Variants in ELMO1 observed in about 807,000 individuals in gnomAD.
The protein encoded by ELMO1 is engulfment and cell motility protein 1.
ELMO1 carries 26 observed loss-of-function variants against 98.9 expected under a neutral mutation model. The ratio of observed to expected loss-of-function variants is 0.26; its 90% CI spans 0.19 to 0.36. ELMO1 has a LOEUF of 0.36. ELMO1 is among the 10% of genes least tolerant of loss of function. The probability of loss-of-function intolerance (pLI) is 1.00; values close to 1 mark genes in which losing one functional copy is unlikely to be tolerated. For synonymous variants in ELMO1, 346 were observed against 346.0 expected (o/e 1.00, Z 0.00); for missense variants, 627 against 935.2 (o/e 0.67, Z 4.30).
In ELMO1 at chr7:37,303,605, G is replaced by C. The variant is rs113034492; in HGVS notation, c.192+11245C>G. ...CTAATAATGGTTTTTGCTTTTCACT[G>C]TAGTTAGTTTTGTTTGGAAAAAGTG... On this transcript the variant is annotated intron_variant, in intron 4 of 21. Coordinates refer to ENST00000310758, the MANE Select transcript of ELMO1 (RefSeq NM_014800.11). Among the ~76,000 whole-genome samples the C allele has an allele frequency of 2.7e-4, 41 of 152,244 alleles. 1 individual carries two copies. Among genetic ancestry groups the C allele is most frequent in the Middle Eastern group, 6.8e-3 (2 of 294 alleles).
intron 13 of ELMO1, among the ~76,000 whole-genome samples, chr7:37,192,364 G>A (rs561515179): frequency 2.6e-5 from 4 of 151,368 alleles, no homozygotes; most frequent in East Asian, 2.0e-4. Context: ...ATGTGGTGGT[G>A]CATGCCTGTA....
At chr7:37,097,274 ACGT>A (rs1479093886) in intron 14 of ELMO1, among the ~76,000 whole-genome samples, 5 of 152,232 alleles carry the variant, frequency 3.3e-5, no homozygotes, top group Non-Finnish European at 7.3e-5. Flanking sequence ...ATGGTGATTC[ACGT>A]CTGTAATCCC....
Position 37,011,372 on chromosome 7 carries a change from G to A in ELMO1, c.1437+1927C>T, listed in dbSNP as rs546694046. Among the ~76,000 whole-genome samples, 18 of 152,186 alleles carry A rather than the reference G, an allele frequency of 1.2e-4. 1 individual carries two copies. The South Asian group carries it at 2.7e-3, about 23-fold the overall frequency. ...CCACCTCCTCCATCCTGGGGCCTCC[G>A]GCTTCCTTTGCTAACAAGGAACTCT... is the stretch of plus-strand genomic sequence containing the variant. On this transcript the variant is annotated intron_variant, in intron 16 of 21. Transcript: ENST00000310758.
intron 16 of ELMO1, among the ~76,000 whole-genome samples, chr7:36,969,829 C>A (rs1481223760): frequency 6.6e-6 from 1 of 152,112 alleles, no homozygotes; most frequent in Non-Finnish European, 1.5e-5. Flanking sequence ...AATCATATTT[C>A]TTTAATAATT....
chr7:36,927,094 C>T (rs1785637572), intron 16 of ELMO1, among the ~76,000 whole-genome samples: 2 of 152,050 alleles, frequency 1.3e-5, no homozygotes, highest in African/African-American at 4.8e-5. Flanking sequence ...TTTTAAAATG[C>T]TTTATATGGT....
At chr7:37,164,650 A>G (rs951778904) in intron 13 of ELMO1, among the ~76,000 whole-genome samples, 1 of 151,576 alleles carries the variant, frequency 6.6e-6, no homozygotes, top group Non-Finnish European at 1.5e-5. Context: ...ATAGTTGTAG[A>G]TATGTGGCAT....
intron 16 of ELMO1, among the ~76,000 whole-genome samples, chr7:36,931,885 T>C (rs986396765): frequency 6.6e-6 from 1 of 152,260 alleles, no homozygotes; most frequent in South Asian, 2.1e-4. Flanking sequence ...TAAACACTAA[T>C]TGAGCAAATT....
intron 16 of ELMO1, among the ~76,000 whole-genome samples, chr7:36,959,295 T>C (rs1788738974): frequency 6.6e-6 from 1 of 152,112 alleles, no homozygotes; most frequent in Non-Finnish European, 1.5e-5. Flanking sequence ...ACAGTCTCAG[T>C]GGTCTTTTAA....
chr7:37,400,915 C>T (rs1279985175), intron 1 of ELMO1, among the ~76,000 whole-genome samples: 4 of 152,146 alleles, frequency 2.6e-5, no homozygotes, highest in African/African-American at 9.7e-5. Context: ...GGCAAAAAAT[C>T]CTAGGGATTT....
chr7:37,411,830 G>A (rs766643656), intron 1 of ELMO1, among the ~76,000 whole-genome samples: 39 of 152,138 alleles, frequency 2.6e-4, no homozygotes, highest in African/African-American at 8.7e-4. Flanking sequence ...CAGCAGGAAC[G>A]TCATGTCAGA....
intron 15 of ELMO1, among the ~76,000 whole-genome samples, chr7:37,040,687 G>C (rs1795454673): frequency 1.3e-5 from 2 of 152,160 alleles, no homozygotes; most frequent in African/African-American, 2.4e-5. Context: ...AGGAGGAACA[G>C]GGCATTATGT....
At chr7:37,196,270 G>A (rs1791958441) in intron 13 of ELMO1, among the ~76,000 whole-genome samples, 1 of 152,238 alleles carries the variant, frequency 6.6e-6, no homozygotes, top group Non-Finnish European at 1.5e-5. Context: ...CTGAGGTGGG[G>A]GAGGACTGGC....
At chr7:37,233,023 T>C in intron 8 of ELMO1, 72 bp downstream of exon 8, 1 of 1,270,896 alleles carries the variant, frequency 7.9e-7, no homozygotes, top group Non-Finnish European at 1.1e-6. Context: ...TTATGAAACA[T>C]CCTCAAAGCA....
chr7:37,250,281 C>T (rs916532901), intron 6 of ELMO1, among the ~76,000 whole-genome samples: 7 of 151,982 alleles, frequency 4.6e-5, no homozygotes, highest in Admixed American at 2.0e-4. Flanking sequence ...AATATTTAAT[C>T]ACATGGAAAT....
chr7:37,003,788 A>C (rs1584501473), intron 16 of ELMO1, among the ~76,000 whole-genome samples: 1 of 152,152 alleles, frequency 6.6e-6, no homozygotes, highest in African/African-American at 2.4e-5. Flanking sequence ...CTCACTTAGG[A>C]TCTCCTAACT....
chr7:37,033,665 G>T (rs1008036533), intron 15 of ELMO1, among the ~76,000 whole-genome samples: 2 of 152,142 alleles, frequency 1.3e-5, no homozygotes, highest in Admixed American at 6.5e-5. Flanking sequence ...AGATGTTTCT[G>T]ATAAGAATAC....
intron 1 of ELMO1, among the ~76,000 whole-genome samples, chr7:37,389,677 A>G (rs73693532): frequency 0.091 from 13,785 of 152,176 alleles, 1,350 homozygotes; most frequent in East Asian, 0.37. Context: ...GAGACACAGG[A>G]CTCTCCAGAC....
intron 16 of ELMO1, among the ~76,000 whole-genome samples, chr7:36,984,128 G>C (rs1176372465): frequency 6.6e-6 from 1 of 152,150 alleles, no homozygotes; most frequent in Admixed American, 6.5e-5. Flanking sequence ...CGAGCTGACT[G>C]TCACTTAATG....
intron 6 of ELMO1, among the ~76,000 whole-genome samples, chr7:37,247,894 A>AGTGTGTGTGTGTGTGT (rs1562551690): frequency 3.5e-4 from 38 of 108,172 alleles, no homozygotes; most frequent in African/African-American, 1.3e-3. Context: ...TTTGAAATAA[A>AGTGTGTGTGTGTGTGT]ATGTGTGTGT....
Sources: gnomAD v4.1 joint callset for allele counts (sites outside exome capture counted in the v4.1 genomes callset) on GRCh38, gnomAD v4.1.1 for gene constraint, MANE v1.5 for transcripts, NCBI Gene and HGNC (gene_info 2026-07-23, HGNC 2026-07-21) for gene names.